Variants in MIB1 observed in about 807,000 individuals in gnomAD.
MIB1 encodes MIB E3 ubiquitin protein ligase 1, also known as E3 ubiquitin-protein ligase MIB1.
A neutral mutation model predicts 124.5 loss-of-function variants in MIB1; 278 were observed. That is an observed-to-expected ratio of 2.23 (90% CI 2.02 to 2.47). The LOEUF is 2.47. Among genes scored for constraint, MIB1 ranks in the 30% most tolerant of loss-of-function variants. The probability of loss-of-function intolerance (pLI) is 0.00; values close to 1 mark genes in which losing one functional copy is unlikely to be tolerated. For synonymous variants in MIB1, 446 were observed against 429.4 expected (o/e 1.04, Z -0.48); for missense variants, 957 against 1,254.4 (o/e 0.76, Z 3.58).
intron 12 of MIB1, chr18:21,825,822 T>C: frequency 2.1e-6 from 1 of 476,198 alleles, no homozygotes; most frequent in South Asian, 1.5e-5. Context: ...AGTTAAATGC[T>C]TTTCATTGGT....
chr18:21,813,749 G>A (rs184498522), intron 10 of MIB1, among the ~76,000 whole-genome samples: 2 of 152,288 alleles, frequency 1.3e-5, no homozygotes, highest in East Asian at 3.9e-4. Flanking sequence ...TTTGAAAGTA[G>A]TTCAGATAAT....
chr18:21,766,043 A>G (rs2146407093), intron 2 of MIB1, 100 bp downstream of exon 2: 1 of 1,174,166 alleles, frequency 8.5e-7, no homozygotes, highest in East Asian at 2.4e-5. Context: ...AGCTTCTGAC[A>G]GTTGGTTTAC....
rs778700059 is a variant in MIB1 at position 21,741,822 on chromosome 18, G to C, written c.229+10G>C. The C allele has an allele frequency of 1.1e-5, 17 of 1,579,658 alleles. No individual in the cohort carries two copies. The highest frequency in any genetic ancestry group is 1.5e-5 in the Non-Finnish European group (17 of 1,163,770). ...GACAGCGCGCCCACCGGTAAGCCGC[G>C]GCCACCTGGCCAGGGCTTGCGCGCG... is the stretch of plus-strand genomic sequence containing the variant. On this transcript the variant is annotated intron_variant, in intron 1 of 20. Transcript: ENST00000261537. The surrounding 1 kb of genome is among the most constrained non-coding windows in gnomAD (Gnocchi z 5.4).
chr18:21,734,239 T>A (rs2040785041), intron 1 of MIB1, among the ~76,000 whole-genome samples: 1 of 151,730 alleles, frequency 6.6e-6, no homozygotes, highest in Non-Finnish European at 1.5e-5. Context: ...CCCAAGTAGC[T>A]GGGACTACAG....
intron 1 of MIB1, among the ~76,000 whole-genome samples, chr18:21,708,327 C>T (rs2040649686): frequency 6.6e-6 from 1 of 152,154 alleles, no homozygotes; most frequent in African/African-American, 2.4e-5. Flanking sequence ...AAGTTTATTT[C>T]CTGTTAGAAA....
intron 1 of MIB1, among the ~76,000 whole-genome samples, chr18:21,756,417 T>G (rs2041031876): frequency 6.6e-6 from 1 of 152,156 alleles, no homozygotes. Flanking sequence ...AAAATCAAAT[T>G]ATGAGTTTTT....
At chr18:21,759,534 C>T (rs2041074657) in intron 1 of MIB1, among the ~76,000 whole-genome samples, 1 of 152,124 alleles carries the variant, frequency 6.6e-6, no homozygotes, top group Non-Finnish European at 1.5e-5. Context: ...AGCCACCGTG[C>T]CTGGCCTTTG....
Position 21,705,812 on chromosome 18 carries a change from GT to G in MIB1, n.167+696del, listed in dbSNP as rs2040620527. On this transcript the variant is annotated intron_variant and non_coding_transcript_variant, in intron 1 of 20. Coordinates refer to the MIB1 transcript ENST00000578646. ...TAATTCAATTACCTTTACTGAGCCT[GT>G]TTTTTTCTTGTTTTAATAATCTGTA... 2.6e-5 allele frequency among the ~76,000 whole-genome samples: 4 copies of G among 152,238 alleles called. No individual in the cohort carries two copies. The East Asian group carries it at 7.7e-4, about 29-fold the overall frequency.
intron 12 of MIB1, chr18:21,829,240 G>A: frequency 3.1e-6 from 1 of 323,306 alleles, no homozygotes; most frequent in Middle Eastern, 1.1e-3. Flanking sequence ...CCTGAAGCAT[G>A]GCATTAATGG....
In MIB1 at chr18:21,740,852, C is replaced by T. The variant is rs1437103834; in HGVS notation, c.-732C>T. On this transcript the variant is annotated 5_prime_UTR_variant, in exon 1 of 21. Transcript: ENST00000261537. Reference sequence around the variant, plus strand: ...CTCCTCCTTTCTTCCCGCGATCGCGCGGCTCTCTGGAAGCCTTCCCACTCT... The same window carrying T: ...CTCCTCCTTTCTTCCCGCGATCGCGTGGCTCTCTGGAAGCCTTCCCACTCT... Among the ~76,000 whole-genome samples the T allele has an allele frequency of 1.3e-5, 2 of 152,270 alleles. No individual in the cohort carries two copies. Among genetic ancestry groups the T allele is most frequent in the Non-Finnish European group, 2.9e-5 (2 of 68,044 alleles).
intron 20 of MIB1, among the ~76,000 whole-genome samples, chr18:21,861,507 A>G (rs1182164461): frequency 6.6e-6 from 1 of 152,064 alleles, no homozygotes; most frequent in African/African-American, 2.4e-5. Flanking sequence ...ACTATATCCA[A>G]AGTTTAGCAT....
At chr18:21,850,964 T>TAA (rs1332964175) in intron 17 of MIB1, among the ~76,000 whole-genome samples, 2 of 152,182 alleles carry the variant, frequency 1.3e-5, no homozygotes, top group African/African-American at 2.4e-5. Context: ...ATCTGTTTTA[T>TAA]AGTCAAGACA....
intron 8 of MIB1, 39 bp from the exon 9 acceptor site, chr18:21,799,802 G>T: frequency 6.3e-7 from 1 of 1,576,108 alleles, no homozygotes. Flanking sequence ...TAAGGTTTGA[G>T]ATCCTCCTAT....
At chr18:21,735,874 A>G (rs1196365941), upstream of MIB1, among the ~76,000 whole-genome samples, 1 of 152,236 alleles carries the variant, frequency 6.6e-6, no homozygotes, top group African/African-American at 2.4e-5. Context: ...CAGCAGCCCC[A>G]GTCAGGCACT....
At chr18:21,734,199 C>T (rs560113763) in intron 1 of MIB1, among the ~76,000 whole-genome samples, 34 of 151,540 alleles carry the variant, frequency 2.2e-4, no homozygotes, top group South Asian at 4.2e-4. Context: ...CTCCGCCTCC[C>T]GGGTTCACTC....
upstream of MIB1, among the ~76,000 whole-genome samples, chr18:21,739,639 G>A (rs1156571563): frequency 3.3e-5 from 5 of 152,112 alleles, no homozygotes; most frequent in African/African-American, 1.2e-4. Context: ...CACTTTGGGA[G>A]GCTGAGGTGG....
Position 21,803,887 on chromosome 18 carries a change from C to CT in MIB1, c.1372-12dup, listed in dbSNP as rs764680263. 2.5e-5 allele frequency: 39 copies of CT among 1,573,774 alleles called. No homozygotes were observed. The highest frequency in any genetic ancestry group is 1.8e-4 in the Middle Eastern group (1 of 5,580). On this transcript the variant is annotated intron_variant, in intron 9 of 20. Coordinates refer to ENST00000261537, the MANE Select transcript of MIB1 (RefSeq NM_020774.4). The stretch of plus-strand genomic sequence containing the variant: ...CTGATTATTCATTCATTCTTTCATT[C>CT]TTTTTTTTAAAAAATGTAGGTAAAT...
chr18:21,834,064 G>C (rs1054362816), intron 12 of MIB1, among the ~76,000 whole-genome samples: 1 of 152,162 alleles, frequency 6.6e-6, no homozygotes, highest in Non-Finnish European at 1.5e-5. Flanking sequence ...AGTGCTTGCA[G>C]CTTAACAGTC....
chr18:21,796,115 T>G (rs942542612), intron 7 of MIB1, among the ~76,000 whole-genome samples: 12 of 140,202 alleles, frequency 8.6e-5, no homozygotes, highest in Non-Finnish European at 1.9e-4. Flanking sequence ...TTTGATGGGG[T>G]CGTTTGTTTT....
Sources: allele counts gnomAD v4.1 joint callset (sites outside exome capture counted in the v4.1 genomes callset), GRCh38; gene constraint gnomAD v4.1.1; non-coding constraint Gnocchi (gnomAD v3.1); transcripts MANE v1.5; gene names NCBI Gene and HGNC (gene_info 2026-07-23, HGNC 2026-07-21).